Variants in CEP128 observed in about 807,000 individuals in gnomAD.
CEP128 encodes the protein centrosomal protein 128kDa.
Under a neutral mutation model 156.7 loss-of-function variants are expected in CEP128, and 132 were observed. The observed-to-expected ratio is 0.84, with a 90% confidence interval of 0.73 to 0.97. The LOEUF (loss-of-function observed/expected upper bound fraction) is 0.97, where lower values mean the gene tolerates loss of function less well. Among genes scored for constraint, CEP128 ranks in the 50% least tolerant of loss-of-function variants. The pLI is 0.00. For synonymous variants in CEP128, 469 were observed against 448.9 expected (o/e 1.04, Z -0.57); for missense variants, 1,252 against 1,281.9 (o/e 0.98, Z 0.36).
chr14:80,935,444 G>C (rs1004922067), intron 2 of CEP128, among the ~76,000 whole-genome samples: 3 of 151,750 alleles, frequency 2.0e-5, no homozygotes, highest in Admixed American at 6.6e-5. Context: ...CCTGCTATTT[G>C]AGAGGCTGAG....
intron 15 of CEP128, among the ~76,000 whole-genome samples, chr14:80,783,123 T>C (rs1242131897): frequency 6.6e-6 from 1 of 152,180 alleles, no homozygotes; most frequent in Non-Finnish European, 1.5e-5. Context: ...TAGACTTTCT[T>C]GGTTAAGCTT....
intron 2 of CEP128, among the ~76,000 whole-genome samples, chr14:80,937,229 G>A (rs1412151097): frequency 6.6e-6 from 1 of 152,134 alleles, no homozygotes; most frequent in African/African-American, 2.4e-5. Context: ...GCTGATGTGA[G>A]AGGATTTCTC....
At chr14:80,609,390 G>A (rs528303033) in intron 19 of CEP128, among the ~76,000 whole-genome samples, 1 of 152,206 alleles carries the variant, frequency 6.6e-6, no homozygotes, top group South Asian at 2.1e-4. Flanking sequence ...ATATCTTGAA[G>A]TTCACTGCAT....
chr14:80,510,181 G>A (rs1424196053), intron 23 of CEP128, among the ~76,000 whole-genome samples: 1 of 151,946 alleles, frequency 6.6e-6, no homozygotes, highest in Non-Finnish European at 1.5e-5. Flanking sequence ...TTTTCATAGG[G>A]GTTGCACTGA....
At chr14:80,754,648 G>C (rs557142541) in intron 18 of CEP128, among the ~76,000 whole-genome samples, 1 of 150,902 alleles carries the variant, frequency 6.6e-6, no homozygotes, top group South Asian at 2.1e-4. Context: ...ATTTTTAGTA[G>C]AGACAGGGGT....
chr14:80,518,764 C>T (rs1888606812), intron 23 of CEP128, among the ~76,000 whole-genome samples: 1 of 152,148 alleles, frequency 6.6e-6, no homozygotes, highest in African/African-American at 2.4e-5. Flanking sequence ...GGAGGTTTAA[C>T]TCTATTATAT....
intron 20 of CEP128, among the ~76,000 whole-genome samples, chr14:80,560,092 G>A (rs1418571236): frequency 6.6e-6 from 1 of 152,128 alleles, no homozygotes; most frequent in Admixed American, 6.5e-5. Context: ...TCCTTTTTGA[G>A]GTGGACCAAG....
chr14:80,579,601 C>T (rs181798169), intron 20 of CEP128, among the ~76,000 whole-genome samples: 8 of 152,330 alleles, frequency 5.3e-5, no homozygotes, highest in Admixed American at 4.6e-4. Context: ...CTCAAACCAG[C>T]TCATGACATC....
rs559245556 is a variant in CEP128, at chr14:80,822,596, T to C, written c.1209+8547A>G. 20 of 710,308 alleles carry C rather than the reference T, an allele frequency of 2.8e-5. No individual in the cohort carries two copies. The African/African-American group carries it at 3.1e-4, about 11-fold the overall frequency. The allele number at this position is 710,308 out of a possible 1,614,324, so 44.0% of individuals were successfully genotyped here. ...GGTGAAGGACGAATCACACAGAAGA[T>C]CCATGAGGTTGTCAGCTAAACCTGC... On this transcript the variant is annotated intron_variant, in intron 13 of 24. Transcript: ENST00000555265.
chr14:80,764,326 G>A (rs1027979907), intron 16 of CEP128, among the ~76,000 whole-genome samples: 8 of 151,180 alleles, frequency 5.3e-5, no homozygotes, highest in East Asian at 2.0e-4. Context: ...GTGAAACCCC[G>A]TCTCTACTAA....
At chr14:80,508,378 A>G (rs1479585493) in intron 23 of CEP128, among the ~76,000 whole-genome samples, 1 of 152,222 alleles carries the variant, frequency 6.6e-6, no homozygotes, top group African/African-American at 2.4e-5. Flanking sequence ...TAATTTAAGG[A>G]TACATTTTCC....
chr14:80,528,148 A>G (rs971230162), intron 22 of CEP128, among the ~76,000 whole-genome samples: 2 of 152,162 alleles, frequency 1.3e-5, no homozygotes, highest in South Asian at 2.1e-4. Flanking sequence ...AAAAACCTCT[A>G]AAAAACTAGA....
rs545522356 is a variant in CEP128 at position 80,732,684 on chromosome 14, A to C, written c.2806+10391T>G. 3.3e-5 allele frequency among the ~76,000 whole-genome samples: 5 copies of C among 152,296 alleles called. No individual in the cohort carries two copies. In the South Asian group the frequency reaches 8.3e-4, roughly 25 times the overall value. On this transcript the variant is annotated intron_variant, in intron 19 of 24. Coordinates refer to ENST00000555265, the MANE Select transcript of CEP128 (RefSeq NM_152446.5). ...TGTCACTCTTACCAAATGCTTTACT[A>C]AACAGCAGATTAAAGAATGCAGAAA...
At chr14:80,778,080 A>G (rs766417451) in intron 15 of CEP128, 34 bp from the exon 16 acceptor site, 1 of 1,596,734 alleles carries the variant, frequency 6.3e-7, no homozygotes, top group Non-Finnish European at 8.5e-7. Context: ...CAGAAAGTCC[A>G]CTAGCCATAG....
chr14:80,479,976 T>C (rs1594896032), intron 14 of CEP128, among the ~76,000 whole-genome samples: 1 of 152,226 alleles, frequency 6.6e-6, no homozygotes, highest in Non-Finnish European at 1.5e-5. Flanking sequence ...ATCCAGGTCA[T>C]GCTGATGCAA....
chr14:80,817,291 T>A (rs561078182), intron 13 of CEP128, among the ~76,000 whole-genome samples: 8 of 152,000 alleles, frequency 5.3e-5, no homozygotes, highest in Non-Finnish European at 1.5e-5. Context: ...ATACAAAAAT[T>A]ATCTAAAATG....
chr14:80,604,686 G>A (rs577719770), intron 19 of CEP128, among the ~76,000 whole-genome samples: 1 of 152,068 alleles, frequency 6.6e-6, no homozygotes, highest in South Asian at 2.1e-4. Flanking sequence ...TTTCCAGATC[G>A]CTTTGTTCCT....
chr14:80,609,854 CA>C (rs200567609), intron 19 of CEP128, among the ~76,000 whole-genome samples: 9 of 146,946 alleles, frequency 6.1e-5, no homozygotes, highest in Admixed American at 1.4e-4. Flanking sequence ...GTATGTGAGT[CA>C]AAAAAAAATC....
chr14:80,559,904 G>A (rs1048553539), intron 20 of CEP128, among the ~76,000 whole-genome samples: 3 of 152,076 alleles, frequency 2.0e-5, no homozygotes, highest in African/African-American at 7.2e-5. Context: ...CTTTAAAAGG[G>A]GTCATTGATA....
Sources: gnomAD v4.1 joint callset for allele counts (sites outside exome capture counted in the v4.1 genomes callset) on GRCh38, gnomAD v4.1.1 for gene constraint, MANE v1.5 for transcripts, NCBI Gene and HGNC (gene_info 2026-07-23, HGNC 2026-07-21) for gene names.